The following RABGGTA variants were observed in gnomAD, a reference collection of about 807,000 sequenced individuals.
The protein encoded by RABGGTA is geranylgeranyl transferase type-2 subunit alpha.
RABGGTA carries 69 observed loss-of-function variants against 83.3 expected under a neutral mutation model. The ratio of observed to expected loss-of-function variants is 0.83; its 90% CI spans 0.68 to 1.01. RABGGTA has a LOEUF of 1.01. RABGGTA is among the 50% of genes least tolerant of loss of function. RABGGTA has a pLI of 0.00. For missense variants in RABGGTA, 681 were observed against 712.7 expected, an observed-to-expected ratio of 0.96 and a Z score of 0.51; for synonymous variants, 310 against 299.8, an observed-to-expected ratio of 1.03 and a Z score of -0.35.
Position 24,270,054 on chromosome 14 carries a change from G to A in RABGGTA, c.326C>T (p.Thr109Ile). Residue 109 changes from threonine to isoleucine, a missense_variant, in exon 5 of 17, where the codon ACC (threonine) becomes ATC (isoleucine). Transcript: ENST00000216840. ...TAGCAGCCAGCATCGGTGGTGCCAG[G>A]TACCATAAGACTTGGGGTTCACCCG... ...CLRVNPKSYG[T>I]WHHRCWLLGR... 1 of 1,612,862 alleles carries A rather than the reference G, an allele frequency of 6.2e-7. No homozygotes were observed. Among genetic ancestry groups the A allele is most frequent in the South Asian group, 1.1e-5 (1 of 90,840 alleles).
Position 24,267,754 on chromosome 14 carries a change from G to A in RABGGTA, c.1259C>T (p.Thr420Met), listed in dbSNP as rs753923421. 11 of 1,612,346 alleles carry A rather than the reference G, an allele frequency of 6.8e-6. No homozygotes were observed. Among genetic ancestry groups the A allele is most frequent in the South Asian group, 5.5e-5 (5 of 91,006 alleles). ...CTTGCTGCGCAGGTCATCCAGATAC[G>A]TTGCCCGCATGGGGTCCACGGCCTG... is the stretch of plus-strand genomic sequence containing the variant. Reference protein sequence around the residue: ...TLKAVDPMRATYLDDLRSKFL... With the variant: ...TLKAVDPMRAMYLDDLRSKFL... The change falls in exon 14 of 17, where the codon ACG becomes ATG. Residue 420 changes from threonine (T) to methionine (M), a missense_variant. Coordinates refer to ENST00000216840, the MANE Select transcript of RABGGTA (RefSeq NM_182836.3).
At position 24,270,010 on chromosome 14, in the gene RABGGTA, T is replaced by A. The variant is rs1029316900; in HGVS notation, c.370A>T (p.Asn124Tyr). The change falls in exon 5 of 17, where the codon AAC (asparagine) becomes TAC (tyrosine). Residue 124 changes from asparagine to tyrosine, a missense_variant. This residue lies in a region of RABGGTA where 122 missense variants were observed against 118.9 expected (regional missense o/e 1.03). Coordinates refer to ENST00000216840, the MANE Select transcript of RABGGTA (RefSeq NM_182836.3). ...CAGAGCTCCAGCTCTCGGGTCCAGT[T>A]GGGCTCAGGCAGGCGGCCTAGCAGC... Reference protein sequence around the residue: ...CWLLGRLPEPNWTRELELCAR... With the variant: ...CWLLGRLPEPYWTRELELCAR... 2 of 1,613,720 alleles carry A rather than the reference T, an allele frequency of 1.2e-6. No homozygotes were observed. Among genetic ancestry groups the A allele is most frequent in the Non-Finnish European group, 1.7e-6 (2 of 1,179,804 alleles).
intron 15 of RABGGTA, 107 bp from the exon 16 acceptor site, chr14:24,266,624 A>G (rs765255659): frequency 2.4e-6 from 3 of 1,275,698 alleles, no homozygotes; most frequent in South Asian, 1.2e-5. Flanking sequence ...AGGGGCTCAC[A>G]GGGTCAGGCT....
rs2040895654 is a variant in RABGGTA at position 24,267,987 on chromosome 14, T to C, written c.1148-29A>G. 2.5e-6 allele frequency: 4 copies of C among 1,608,198 alleles called. 1 individual carries two copies. In the South Asian group the frequency reaches 4.4e-5, roughly 18 times the overall value. On this transcript the variant is annotated intron_variant, in intron 12 of 16. Coordinates refer to ENST00000216840, the MANE Select transcript of RABGGTA (RefSeq NM_182836.3). ...AGGAGAGGGCAGGGAAAAGGAGGGT[T>C]TCTCTTGGAACCTCCTCTGCTCCCA...
intron 4 of RABGGTA, 72 bp downstream of exon 4, chr14:24,270,262 C>T (rs2040930439): frequency 6.3e-7 from 1 of 1,586,960 alleles, no homozygotes; most frequent in Non-Finnish European, 8.6e-7. Context: ...CCCATTTCTC[C>T]TCCACCCCTA....
intron 13 of RABGGTA, 31 bp from the exon 14 acceptor site, chr14:24,267,807 T>A: frequency 6.2e-7 from 1 of 1,610,064 alleles, no homozygotes; most frequent in Non-Finnish European, 8.5e-7. Context: ...AGGGTATGCA[T>A]GTCAGCTGCC....
chr14:24,269,434 T>G, intron 6 of RABGGTA, 57 bp downstream of exon 6: 1 of 1,509,482 alleles, frequency 6.6e-7, no homozygotes, highest in East Asian at 2.3e-5. Flanking sequence ...GGGTCAGGCA[T>G]GGGGGCTGGA....
At chr14:24,270,607 C>T in intron 3 of RABGGTA, 149 bp from the exon 4 acceptor site, 1 of 1,192,912 alleles carries the variant, frequency 8.4e-7, no homozygotes, top group Non-Finnish European at 1.2e-6. Context: ...CAGGTATTCT[C>T]TCATTTAATC....
chr14:24,267,634 G>A, intron 14 of RABGGTA, 26 bp downstream of exon 14: 1 of 1,584,426 alleles, frequency 6.3e-7, no homozygotes, highest in Non-Finnish European at 8.6e-7. Context: ...TGAGGGCCAG[G>A]GGAAGGCATG....
In RABGGTA at chr14:24,267,261, T is replaced by C. The variant is rs140659708; in HGVS notation, c.1354-372A>G. 1.4e-3 allele frequency among the ~76,000 whole-genome samples: 208 copies of C among 152,164 alleles called. 3 individuals are homozygous for C. In the East Asian group the frequency reaches 0.018, roughly 13 times the overall value. On this transcript the variant is annotated intron_variant, in intron 14 of 16. Coordinates refer to ENST00000216840, the MANE Select transcript of RABGGTA (RefSeq NM_182836.3). ...GGCTGTGGTGATGTGATAAAACTAA[T>C]GTGTTGGGAAGGACTAGGAAAGTGG...
intron 16 of RABGGTA, 130 bp downstream of exon 16, chr14:24,266,300 A>C: frequency 2.5e-6 from 2 of 815,244 alleles, no homozygotes; most frequent in Non-Finnish European, 4.1e-6. Flanking sequence ...TCCCCCTTCA[A>C]CTCACACTAC....
chr14:24,268,295 C>A, intron 11 of RABGGTA, 74 bp downstream of exon 11: 2 of 1,609,452 alleles, frequency 1.2e-6, no homozygotes, highest in Non-Finnish European at 1.7e-6. Flanking sequence ...CTTGAGGCCC[C>A]AGCCTCCTGC....
In RABGGTA at chr14:24,266,374, C is replaced by T. The variant is rs2040873213; in HGVS notation, c.1555+56G>A. ...TACCCTGCCTGCTGTCTGTCCCTTC[C>T]CAGGGTGGCACCTCACTTTACCCAC... is the stretch of plus-strand genomic sequence containing the variant. On this transcript the variant is annotated intron_variant, in intron 16 of 16. Coordinates refer to ENST00000216840, the MANE Select transcript of RABGGTA (RefSeq NM_182836.3). 15 of 1,527,926 alleles carry T rather than the reference C, an allele frequency of 9.8e-6. No homozygotes were observed. In the South Asian group the frequency reaches 1.6e-4, roughly 16 times the overall value. 94.6% of individuals were successfully genotyped at this position (1,527,926 alleles called of 1,614,324 possible). A position where few individuals can be genotyped will look rare whatever the true frequency, so the allele number is the denominator to read the frequency against.
rs529959548 is a variant in RABGGTA, at chr14:24,270,136, G to A, written c.244C>T (p.Pro82Ser). The A allele has an allele frequency of 1.1e-5, 17 of 1,604,450 alleles. No homozygotes were observed. The Admixed American group carries it at 2.8e-4, about 26-fold the overall frequency. The change falls in exon 5 of 17, where the codon CCT becomes TCT. Residue 82 changes from proline (P) to serine (S), a missense_variant. This residue lies in a region of RABGGTA where 115 missense variants were observed against 111.5 expected (regional missense o/e 1.03). Coordinates refer to ENST00000216840, the MANE Select transcript of RABGGTA (RefSeq NM_182836.3). The part of the protein sequence containing the change: ...VLQQLETQKS[P>S]EELAALVKAE... ...TTCACCAGAGCAGCCAACTCTTCAG[G>A]AGACCTGTACCCAGAAGGGAAGGGG...
chr14:24,265,800 C>A, intron 16 of RABGGTA, 37 bp from the exon 17 acceptor site: 1 of 1,565,880 alleles, frequency 6.4e-7, no homozygotes, highest in East Asian at 2.3e-5. Context: ...TGGCAGGTTC[C>A]TCCCAATTTA....
chr14:24,266,369 C>T lies in RABGGTA; in HGVS notation c.1555+61G>A, dbSNP rs191086873. The T allele has an allele frequency of 6.0e-6, 9 of 1,498,874 alleles. No individual in the cohort carries two copies. In the East Asian group the frequency reaches 2.0e-4, roughly 34 times the overall value. The allele number at this position is 1,498,874 out of a possible 1,614,324, so 92.8% of individuals were successfully genotyped here. A position where few individuals can be genotyped will look rare whatever the true frequency, so the allele number is the denominator to read the frequency against. The stretch of plus-strand genomic sequence containing the variant: ...GCACATACCCTGCCTGCTGTCTGTC[C>T]CTTCCCAGGGTGGCACCTCACTTTA... On this transcript the variant is annotated intron_variant, in intron 16 of 16. Coordinates refer to ENST00000216840, the MANE Select transcript of RABGGTA (RefSeq NM_182836.3).
In RABGGTA at chr14:24,270,370, C is replaced by A; in HGVS notation, c.203G>T (p.Cys68Phe). 1 of 1,613,984 alleles carries A rather than the reference C, an allele frequency of 6.2e-7. No homozygotes were observed. Among genetic ancestry groups the A allele is most frequent in the Non-Finnish European group, 8.5e-7 (1 of 1,179,868 alleles). The change falls in exon 4 of 17, where the codon TGC becomes TTC. Residue 68 changes from cysteine (C) to phenylalanine (F), a missense_variant. By Grantham distance (205) the Cys-to-Phe change is radical. Transcript: ENST00000216840. The stretch of plus-strand genomic sequence containing the variant: ...CAGCTGCTGGAGCACCTCTCGTCGG[C>A]AGTTCCAGAGGGTGGCAAAATCAGG... ...ANPDFATLWN[C>F]RREVLQQLET...
rs58050348 is a variant in RABGGTA, at chr14:24,270,157, A to AG, written c.240-18dup. On this transcript the variant is annotated splice_polypyrimidine_tract_variant and intron_variant, in intron 4 of 16. Coordinates refer to ENST00000216840, the MANE Select transcript of RABGGTA (RefSeq NM_182836.3). ...TCAGGAGACCTGTACCCAGAAGGGA[A>AG]GGGGGGGGTCAGGGCTCTCCTACAG... The AG allele has an allele frequency of 0.16, 250,958 of 1,588,128 alleles. 20,227 individuals are homozygous for AG. Among genetic ancestry groups the AG allele is most frequent in the Admixed American group, 0.34 (18,828 of 55,274 alleles).
chr14:24,269,307 T>C, intron 6 of RABGGTA, 144 bp from the exon 7 acceptor site: 1 of 1,044,822 alleles, frequency 9.6e-7, no homozygotes, highest in South Asian at 1.6e-5. Flanking sequence ...CGTATGTCAG[T>C]TTTATCTTCC....
Sources: allele counts gnomAD v4.1 joint callset (sites outside exome capture counted in the v4.1 genomes callset), GRCh38; gene constraint gnomAD v4.1.1; regional missense constraint gnomAD v4.1.1; transcripts MANE v1.5; gene names NCBI Gene and HGNC (gene_info 2026-07-23, HGNC 2026-07-21).